PCNX2: variants seen among roughly 807,000 people sequenced by gnomAD.
The protein encoded by PCNX2 is pecanex 2, also known as pecanex-like protein 2.
Under a neutral mutation model 223.8 loss-of-function variants are expected in PCNX2, and 168 were observed. The ratio of observed to expected loss-of-function variants is 0.75; its 90% CI spans 0.66 to 0.85. The LOEUF (loss-of-function observed/expected upper bound fraction) is 0.85. PCNX2 is among the 40% of genes least tolerant of loss of function. PCNX2 has a pLI of 0.00. For missense variants in PCNX2, 2,507 were observed against 2,675.5 expected (o/e 0.94, Z 1.39); for synonymous variants, 1,006 against 1,052.6 (o/e 0.96, Z 0.86).
intron 4 of PCNX2, chr1:233,259,999 C>T (rs955008690): frequency 1.4e-4 from 33 of 233,188 alleles, no homozygotes; most frequent in Non-Finnish European, 2.1e-5. Flanking sequence ...AGGTTACAAG[C>T]AAATACTATG....
chr1:233,138,064 G>A (rs1190135772), intron 20 of PCNX2, among the ~76,000 whole-genome samples: 1 of 152,074 alleles, frequency 6.6e-6, no homozygotes, highest in East Asian at 1.9e-4. Context: ...GGTCTAGTAG[G>A]GTGCCTGAAA....
chr1:233,250,096 C>T (rs920121350), intron 8 of PCNX2, among the ~76,000 whole-genome samples: 2 of 152,194 alleles, frequency 1.3e-5, no homozygotes, highest in Non-Finnish European at 2.9e-5. Context: ...TTTACTTCCA[C>T]ACTTAGAGCA....
At position 233,280,206 on chromosome 1, in the gene PCNX2, T is replaced by G. The variant is rs528248601; in HGVS notation, c.153+15120A>C. ...TGGATACCTGTTTCTAGTCATCTGC[T>G]ATAACAAATAGTGCTTCAGTGACTC... On this transcript the variant is annotated intron_variant, in intron 1 of 33. Coordinates refer to ENST00000258229, the MANE Select transcript of PCNX2 (RefSeq NM_014801.4). 1.1e-3 allele frequency among the ~76,000 whole-genome samples: 163 copies of G among 152,272 alleles called. 1 individual carries two copies. Among genetic ancestry groups the G allele is most frequent in the African/African-American group, 3.7e-3 (153 of 41,544 alleles).
chr1:233,073,430 C>G (rs538088562), intron 23 of PCNX2, among the ~76,000 whole-genome samples: 1 of 152,004 alleles, frequency 6.6e-6, no homozygotes, highest in Non-Finnish European at 1.5e-5. Flanking sequence ...GTACACTCTT[C>G]TTTTTCTAGT....
intron 25 of PCNX2, among the ~76,000 whole-genome samples, chr1:233,048,309 T>C (rs184158361): frequency 3.9e-5 from 6 of 152,082 alleles, no homozygotes; most frequent in African/African-American, 1.4e-4. Flanking sequence ...ATATAAAAAA[T>C]AGCTGAGTGT....
chr1:233,056,807 T>C (rs1672206800), intron 24 of PCNX2, among the ~76,000 whole-genome samples: 1 of 152,212 alleles, frequency 6.6e-6, no homozygotes, highest in Admixed American at 6.5e-5. Context: ...AGGTACATCC[T>C]TTCATAGCTT....
intron 21 of PCNX2, among the ~76,000 whole-genome samples, chr1:233,124,160 G>A (rs190526939): frequency 2.0e-5 from 3 of 152,146 alleles, no homozygotes; most frequent in East Asian, 3.9e-4. Flanking sequence ...ACAACCAAGC[G>A]GCTGGTATGT....
intron 23 of PCNX2, among the ~76,000 whole-genome samples, chr1:233,082,923 A>G (rs2102925180): frequency 6.6e-6 from 1 of 152,312 alleles, no homozygotes; most frequent in South Asian, 2.1e-4. Context: ...GATGACATGA[A>G]TGAAACTGAC....
intron 25 of PCNX2, among the ~76,000 whole-genome samples, chr1:233,027,131 G>T (rs1220779484): frequency 6.6e-6 from 1 of 151,734 alleles, no homozygotes; most frequent in South Asian, 2.1e-4. Flanking sequence ...AGTCCCAAAA[G>T]ACAAGTGAAA....
intron 17 of PCNX2, among the ~76,000 whole-genome samples, chr1:233,164,255 C>T (rs1340526568): frequency 1.3e-5 from 2 of 152,186 alleles, no homozygotes; most frequent in Non-Finnish European, 2.9e-5. Context: ...GATATACCAT[C>T]TCATCCCAAT....
chr1:233,213,356 A>T (rs1360712596), intron 12 of PCNX2, among the ~76,000 whole-genome samples: 1 of 152,168 alleles, frequency 6.6e-6, no homozygotes, highest in African/African-American at 2.4e-5. Flanking sequence ...CCTCAAACAG[A>T]AAAAGGGCAT....
chr1:233,297,633 G>A (rs1459339116), upstream of PCNX2, among the ~76,000 whole-genome samples: 3 of 152,176 alleles, frequency 2.0e-5, no homozygotes, highest in Non-Finnish European at 2.9e-5. Flanking sequence ...TGGGGAAAAT[G>A]TCAGGATAGT....
At chr1:233,198,454 C>A (rs1278019541) in intron 15 of PCNX2, among the ~76,000 whole-genome samples, 1 of 152,196 alleles carries the variant, frequency 6.6e-6, no homozygotes, top group Non-Finnish European at 1.5e-5. Context: ...TCTTAGGCTT[C>A]CCTTGCTGCC....
At chr1:233,241,322 G>A in intron 8 of PCNX2, 3 of 985,336 alleles carry the variant, frequency 3.0e-6, no homozygotes, top group Non-Finnish European at 3.6e-6. Context: ...TGAGCGGCAG[G>A]GCCAATTCTC....
At chr1:233,273,955 T>C (rs944981019) in intron 1 of PCNX2, among the ~76,000 whole-genome samples, 14 of 152,224 alleles carry the variant, frequency 9.2e-5, no homozygotes, top group Admixed American at 6.5e-5. Flanking sequence ...TAATTTCCCA[T>C]TGTGTAAGAT....
intron 22 of PCNX2, among the ~76,000 whole-genome samples, chr1:233,090,703 C>T (rs80331811): frequency 0.019 from 2,828 of 152,216 alleles, 31 homozygotes; most frequent in East Asian, 0.042. Context: ...AAACAGATAT[C>T]GTATGTTGAA....
chr1:233,115,159 C>T (rs538016492), intron 21 of PCNX2, among the ~76,000 whole-genome samples: 11 of 151,722 alleles, frequency 7.3e-5, no homozygotes, highest in African/African-American at 2.7e-4. Context: ...ACTACTACAA[C>T]CAGGGAAGGA....
intron 1 of PCNX2, among the ~76,000 whole-genome samples, chr1:233,268,587 C>T (rs957590346): frequency 6.6e-6 from 1 of 152,168 alleles, no homozygotes; most frequent in East Asian, 1.9e-4. Context: ...CATGCTGCAG[C>T]GTTGATGAGC....
chr1:233,145,200 T>C (rs1677371791), intron 19 of PCNX2, among the ~76,000 whole-genome samples: 1 of 152,226 alleles, frequency 6.6e-6, no homozygotes, highest in East Asian at 1.9e-4. Flanking sequence ...CCTCCTGACC[T>C]TGTGATTCGC....
Sources: allele counts gnomAD v4.1 joint callset (sites outside exome capture counted in the v4.1 genomes callset), GRCh38; gene constraint gnomAD v4.1.1; transcripts MANE v1.5; gene names NCBI Gene and HGNC (gene_info 2026-07-23, HGNC 2026-07-21).